PARD3B: variants seen among roughly 807,000 people sequenced by gnomAD.
The protein encoded by PARD3B is partitioning defective 3 homolog B.
PARD3B carries 103 observed loss-of-function variants against 130.2 expected under a neutral mutation model. The observed-to-expected ratio is 0.79, with a 90% CI of 0.67 to 0.93. PARD3B has a LOEUF of 0.93. Among genes scored for constraint, PARD3B ranks in the 40% least tolerant of loss-of-function variants. The pLI is 0.00. For missense variants in PARD3B, 1,609 were observed against 1,499.2 expected (o/e 1.07, Z -1.21); for synonymous variants, 583 against 553.2 (o/e 1.05, Z -0.76).
intron 22 of PARD3B, among the ~76,000 whole-genome samples, chr2:205,557,492 G>A (rs953747365): frequency 3.3e-5 from 5 of 152,110 alleles, no homozygotes; most frequent in African/African-American, 1.2e-4. Context: ...GCTCACACAC[G>A]CTTCCCAAGG....
At chr2:204,558,999 C>T (rs566625102) in intron 1 of PARD3B, among the ~76,000 whole-genome samples, 9 of 152,254 alleles carry the variant, frequency 5.9e-5, no homozygotes, top group African/African-American at 2.2e-4. Flanking sequence ...ATATAGAAAG[C>T]TGAAACTGGA....
chr2:205,370,889 A>G (rs1381593719), intron 18 of PARD3B, among the ~76,000 whole-genome samples: 1 of 151,898 alleles, frequency 6.6e-6, no homozygotes, highest in Admixed American at 6.6e-5. Flanking sequence ...GTGGTTTGTC[A>G]TTTGTTGCTT....
chr2:205,614,705 C>CA (rs1225888883), intron 22 of PARD3B, among the ~76,000 whole-genome samples: 13 of 130,876 alleles, frequency 9.9e-5, no homozygotes, highest in Middle Eastern at 3.9e-3. Context: ...GACTCCCTCT[C>CA]AAAAAAAAAA....
intron 6 of PARD3B, among the ~76,000 whole-genome samples, chr2:205,114,311 A>G (rs189731366): frequency 7.9e-5 from 12 of 152,210 alleles, no homozygotes; most frequent in Non-Finnish European, 1.8e-4. Flanking sequence ...ATTGTACTGA[A>G]CTTGTTTTAG....
intron 1 of PARD3B, among the ~76,000 whole-genome samples, chr2:204,661,800 T>A (rs1193342076): frequency 6.6e-6 from 1 of 152,204 alleles, no homozygotes; most frequent in Non-Finnish European, 1.5e-5. Context: ...TTGTTTTACA[T>A]TTTCACAGAT....
intron 3 of PARD3B, among the ~76,000 whole-genome samples, chr2:205,020,937 C>T (rs1047458721): frequency 1.3e-5 from 2 of 152,102 alleles, no homozygotes; most frequent in East Asian, 3.9e-4. Context: ...GAGTGAGATC[C>T]CGCTAGAGGC....
In PARD3B at chr2:205,524,470, G is replaced by A. The variant is rs544950070; in HGVS notation, c.3180+24439G>A. ...ACTTTGCATCTGCTTAGTTTTGCAG[G>A]TGCTTTTGCTGAAATCACTGGATAA... is the stretch of plus-strand genomic sequence containing the variant. On this transcript the variant is annotated intron_variant, in intron 21 of 22. Transcript: ENST00000406610. Among the ~76,000 whole-genome samples, 3 of 152,248 alleles carry A rather than the reference G, an allele frequency of 2.0e-5. No individual in the cohort carries two copies. The South Asian group carries it at 6.2e-4, about 32-fold the overall frequency.
Position 204,867,698 on chromosome 2 carries a change from TTA to T in PARD3B, c.223-97452_223-97451del, listed in dbSNP as rs143591237. ...AGTGAAAGAGAAATCCCTGACCATT[TTA>T]TGTGTTTTGCCACTTCATTTCATAT... On this transcript the variant is annotated intron_variant, in intron 2 of 22. Transcript: ENST00000406610. 6.6e-3 allele frequency among the ~76,000 whole-genome samples: 999 copies of T among 152,280 alleles called. 10 individuals carry two copies. Among genetic ancestry groups the T allele is most frequent in the African/African-American group, 0.022 (902 of 41,548 alleles).
At chr2:204,847,169 T>G (rs1401524442) in intron 2 of PARD3B, among the ~76,000 whole-genome samples, 5 of 138,024 alleles carry the variant, frequency 3.6e-5, no homozygotes, top group African/African-American at 1.7e-4. Flanking sequence ...TAACTTTCTT[T>G]CTTTTTTTTT....
intron 18 of PARD3B, among the ~76,000 whole-genome samples, chr2:205,365,930 T>C (rs1056727898): frequency 6.6e-6 from 1 of 152,212 alleles, no homozygotes; most frequent in Non-Finnish European, 1.5e-5. Context: ...CCAATTATTT[T>C]GGAGAAGGGT....
Position 205,349,800 on chromosome 2 carries a change from C to CTCT in PARD3B, c.2630+48100_2630+48101insCTT, listed in dbSNP as rs11451368. On this transcript the variant is annotated intron_variant, in intron 18 of 22. Coordinates refer to ENST00000406610, the MANE Select transcript of PARD3B (RefSeq NM_001302769.2). ...AGGAAATGTATCTTTTTCTTTTTCT[C>CTCT]TTTTTTTTTTTTTTTTTTTTAAAAA... 6.8e-5 allele frequency among the ~76,000 whole-genome samples: 7 copies of CTCT among 102,238 alleles called. 1 individual carries two copies. The East Asian group carries it at 8.5e-4, about 12-fold the overall frequency. 67.1% of individuals were successfully genotyped at this position (102,238 alleles called of 152,430 possible).
At chr2:205,510,008 A>G (rs2050530573) in intron 21 of PARD3B, among the ~76,000 whole-genome samples, 1 of 152,208 alleles carries the variant, frequency 6.6e-6, no homozygotes, top group South Asian at 2.1e-4. Context: ...TTTGAAACAC[A>G]CAGATGTCCA....
At chr2:205,246,966 A>G (rs2039599614) in intron 16 of PARD3B, among the ~76,000 whole-genome samples, 1 of 152,214 alleles carries the variant, frequency 6.6e-6, no homozygotes, top group African/African-American at 2.4e-5. Flanking sequence ...ACTACTGGAC[A>G]TATTTTTAGG....
intron 2 of PARD3B, among the ~76,000 whole-genome samples, chr2:204,706,379 A>G (rs2038160220): frequency 6.7e-6 from 1 of 148,150 alleles, no homozygotes; most frequent in Non-Finnish European, 1.5e-5. Flanking sequence ...AAAAAAAAAA[A>G]GAAAAAGAAA....
In PARD3B at chr2:204,967,769, C is replaced by A. The variant is rs754527041; in HGVS notation, c.394+2446C>A. Among the ~76,000 whole-genome samples, 1 of 152,170 alleles carries A rather than the reference C, an allele frequency of 6.6e-6. No homozygotes were observed. The highest frequency in any genetic ancestry group is 2.4e-5 in the African/African-American group (1 of 41,444). On this transcript the variant is annotated intron_variant, in intron 3 of 22. Coordinates refer to ENST00000406610, the MANE Select transcript of PARD3B (RefSeq NM_001302769.2). The surrounding 1 kb of genome is among the most constrained non-coding windows in gnomAD (Gnocchi z 4.4). ...CCATTCTGTTTTCCTGTTGTTGGCT[C>A]CGGGGCAGGATGTGGCCATAGGCTG...
chr2:204,891,060 A>G (rs1023175990), intron 2 of PARD3B, among the ~76,000 whole-genome samples: 3 of 152,106 alleles, frequency 2.0e-5, no homozygotes, highest in Non-Finnish European at 4.4e-5. Context: ...TTATGGCATC[A>G]AACTGTATTA....
rs1022658093 is a variant in PARD3B, at chr2:205,269,234, T to G, written c.2185+23412T>G. On this transcript the variant is annotated intron_variant, in intron 16 of 22. Coordinates refer to ENST00000406610, the MANE Select transcript of PARD3B (RefSeq NM_001302769.2). The surrounding 1 kb of genome is among the most constrained non-coding windows in gnomAD (Gnocchi z 4.7). ...ATTGTAATTTTCTAATTCCTCAATG[T>G]TAAGTTCTCAATGATTAAAGGTGCC... is the stretch of plus-strand genomic sequence containing the variant. Among the ~76,000 whole-genome samples, 1 of 152,210 alleles carries G rather than the reference T, an allele frequency of 6.6e-6. No homozygotes were observed. The highest frequency in any genetic ancestry group is 1.5e-5 in the Non-Finnish European group (1 of 68,016).
rs149890213 is a variant in PARD3B, at chr2:205,568,810, G to A, written c.3260+15407G>A. On this transcript the variant is annotated intron_variant, in intron 22 of 22. Transcript: ENST00000406610. This position sits in a 1 kb window ranked among gnomAD's most constrained non-coding sequence, Gnocchi z 5.3. Reference sequence around the variant, plus strand: ...CAGGCCTTCATGCTAAGACACTAGCGCTGTATCTATGAAGCCTGTAAAACT... The same window carrying A: ...CAGGCCTTCATGCTAAGACACTAGCACTGTATCTATGAAGCCTGTAAAACT... Among the ~76,000 whole-genome samples, 135 of 152,266 alleles carry A rather than the reference G, an allele frequency of 8.9e-4. No homozygotes were observed. In the Middle Eastern group the frequency reaches 0.014, roughly 15 times the overall value.
intron 15 of PARD3B, among the ~76,000 whole-genome samples, chr2:205,201,837 C>CA (rs2037008519): frequency 6.6e-6 from 1 of 151,812 alleles, no homozygotes; most frequent in African/African-American, 2.4e-5. Flanking sequence ...AACTCCATCT[C>CA]AAAAAATAAA....
Sources: allele counts gnomAD v4.1 joint callset (sites outside exome capture counted in the v4.1 genomes callset), GRCh38; gene constraint gnomAD v4.1.1; non-coding constraint Gnocchi (gnomAD v3.1); transcripts MANE v1.5; gene names NCBI Gene and HGNC (gene_info 2026-07-23, HGNC 2026-07-21).